The following EYS variants were observed in gnomAD, a reference collection of about 807,000 sequenced individuals.
The protein encoded by EYS is EGF-like photoreceptor maintenance factor.
A neutral mutation model predicts 282.1 loss-of-function variants in EYS; 250 were observed. That is an observed-to-expected ratio of 0.89 (90% CI 0.80 to 0.98). The LOEUF is 0.98. Among genes scored for constraint, EYS ranks in the 50% least tolerant of loss-of-function variants. The pLI is 0.00. For missense variants in EYS, 4,016 were observed against 3,709.0 expected (o/e 1.08, Z -2.15); for synonymous variants, 1,355 against 1,282.9 (o/e 1.06, Z -1.20).
intron 31 of EYS, among the ~76,000 whole-genome samples, chr6:64,089,186 T>G (rs2150250359): frequency 6.6e-6 from 1 of 151,902 alleles, no homozygotes; most frequent in African/African-American, 2.4e-5. Context: ...AATATTACAT[T>G]TTCCACTTAT....
Position 65,344,194 on chromosome 6 carries a change from A to T in EYS, c.1460-17T>A. 1 of 1,584,866 alleles carries T rather than the reference A, an allele frequency of 6.3e-7. No homozygotes were observed. Among genetic ancestry groups the T allele is most frequent in the Non-Finnish European group, 8.6e-7 (1 of 1,156,456 alleles). Reference sequence around the variant, plus strand: ...CTTCAGATCCTTTAAAAAAAAAGAGATAAAAAATTAAATAAACTCTTACAA... The same window carrying T: ...CTTCAGATCCTTTAAAAAAAAAGAGTTAAAAAATTAAATAAACTCTTACAA... On this transcript the variant is annotated splice_polypyrimidine_tract_variant and intron_variant, in intron 9 of 42. Coordinates refer to ENST00000503581, the MANE Select transcript of EYS (RefSeq NM_001142800.2).
At chr6:64,284,164 C>T (rs572021593) in intron 30 of EYS, among the ~76,000 whole-genome samples, 2 of 152,322 alleles carry the variant, frequency 1.3e-5, no homozygotes, top group East Asian at 3.9e-4. Context: ...TTCCCTTCCA[C>T]TTATGAGCCT....
At chr6:64,640,784 G>C (rs1285516340) in intron 22 of EYS, among the ~76,000 whole-genome samples, 1 of 152,136 alleles carries the variant, frequency 6.6e-6, no homozygotes. Context: ...TAAGCTTCAT[G>C]ATGAAAACAA....
rs548209842 is a variant in EYS, at chr6:63,849,380, G to A, written c.7228+14806C>T. ...CCTCAAATGGGTCCCTGAACCTCGT[G>A]GGTCCTGACTGGGAGATACCTCCCA... is the stretch of plus-strand genomic sequence containing the variant. On this transcript the variant is annotated intron_variant, in intron 36 of 42. Coordinates refer to ENST00000503581, the MANE Select transcript of EYS (RefSeq NM_001142800.2). Among the ~76,000 whole-genome samples, 5 of 152,286 alleles carry A rather than the reference G, an allele frequency of 3.3e-5. No homozygotes were observed. In the South Asian group the frequency reaches 6.2e-4, roughly 19 times the overall value.
chr6:63,754,703 A>G (rs1442321130), intron 41 of EYS, among the ~76,000 whole-genome samples: 1 of 152,202 alleles, frequency 6.6e-6, no homozygotes, highest in Non-Finnish European at 1.5e-5. Context: ...TTGGGTATAT[A>G]CCCAGAAATG....
At chr6:64,118,990 T>G (rs1220977495) in intron 31 of EYS, among the ~76,000 whole-genome samples, 1 of 152,070 alleles carries the variant, frequency 6.6e-6, no homozygotes, top group Non-Finnish European at 1.5e-5. Flanking sequence ...AAAATCACAA[T>G]GAGATATCAT....
At chr6:65,566,259 C>T (rs1396809280) in intron 2 of EYS, among the ~76,000 whole-genome samples, 1 of 151,894 alleles carries the variant, frequency 6.6e-6, no homozygotes, top group Non-Finnish European at 1.5e-5. Flanking sequence ...GGAAAATTTC[C>T]CCAAGAGAGC....
chr6:64,855,062 T>G (rs892746057), intron 19 of EYS, among the ~76,000 whole-genome samples: 36 of 152,198 alleles, frequency 2.4e-4, no homozygotes, highest in African/African-American at 8.2e-4. Flanking sequence ...TATTATAATG[T>G]TTTCATATTC....
intron 41 of EYS, among the ~76,000 whole-genome samples, chr6:63,748,873 CTCTTT>C (rs1248288730): frequency 1.3e-5 from 2 of 151,808 alleles, no homozygotes; most frequent in African/African-American, 2.4e-5. Flanking sequence ...TGGATCTTCT[CTCTTT>C]TCTTCTTTAT....
chr6:65,230,726 C>CT, intron 12 of EYS, among the ~76,000 whole-genome samples: 1 of 151,566 alleles, frequency 6.6e-6, no homozygotes, highest in East Asian at 1.9e-4. Context: ...TGAGTCATAT[C>CT]TTTTTTCAGA....
chr6:64,451,811 C>G (rs150475362), intron 26 of EYS, among the ~76,000 whole-genome samples: 41,985 of 151,878 alleles, frequency 0.28, 5,886 homozygotes, highest in East Asian at 0.46. Flanking sequence ...ATTGAACAAC[C>G]TTCATGCTAA....
At chr6:65,148,556 T>C (rs1764534442) in intron 12 of EYS, among the ~76,000 whole-genome samples, 1 of 152,076 alleles carries the variant, frequency 6.6e-6, no homozygotes, top group Non-Finnish European at 1.5e-5. Flanking sequence ...ATTTAGTGTC[T>C]GCAGTTTTTC....
At position 65,354,367 on chromosome 6, in the gene EYS, A is replaced by C. The variant is rs78164650; in HGVS notation, c.1300-750T>G. Among the ~76,000 whole-genome samples the C allele has an allele frequency of 4.8e-4, 73 of 152,250 alleles. 2 individuals are homozygous for C. In the East Asian group the frequency reaches 0.013, roughly 28 times the overall value. ...TGGCAGAGAAAAACACAGCTGAGAC[A>C]TGCAGTACAAGGAATCTGACAGTTC... On this transcript the variant is annotated intron_variant, in intron 8 of 42. Transcript: ENST00000503581.
chr6:64,958,518 C>T (rs1257242594), intron 14 of EYS, among the ~76,000 whole-genome samples: 2 of 151,868 alleles, frequency 1.3e-5, no homozygotes, highest in South Asian at 2.1e-4. Context: ...GAGGCCGAGG[C>T]GGGTGGATCA....
chr6:65,255,365 CAA>C (rs1767432513), intron 12 of EYS, among the ~76,000 whole-genome samples: 2 of 151,750 alleles, frequency 1.3e-5, no homozygotes, highest in South Asian at 4.1e-4. Flanking sequence ...TCACCATAAT[CAA>C]AAAGTAAATA....
intron 5 of EYS, among the ~76,000 whole-genome samples, chr6:65,408,519 T>C (rs1167556336): frequency 6.6e-6 from 1 of 152,150 alleles, no homozygotes; most frequent in Non-Finnish European, 1.5e-5. Context: ...CCTAATGTTG[T>C]TCATAATATC....
At chr6:65,169,934 A>C (rs1349491607) in intron 12 of EYS, among the ~76,000 whole-genome samples, 1 of 151,568 alleles carries the variant, frequency 6.6e-6, no homozygotes, top group Non-Finnish European at 1.5e-5. Flanking sequence ...AAAAATTTTA[A>C]TGTGTATTGC....
intron 22 of EYS, among the ~76,000 whole-genome samples, chr6:64,776,534 T>G (rs1773681344): frequency 1.3e-5 from 2 of 152,064 alleles, no homozygotes; most frequent in Admixed American, 6.6e-5. Context: ...AAGGAAAAAT[T>G]CTATTCCCTT....
intron 33 of EYS, among the ~76,000 whole-genome samples, chr6:64,019,660 C>G (rs1366707160): frequency 2.6e-5 from 4 of 151,576 alleles, no homozygotes; most frequent in Non-Finnish European, 5.9e-5. Context: ...CTGCCCGCCT[C>G]GGCCTCTCAA....
Sources: allele counts gnomAD v4.1 joint callset (sites outside exome capture counted in the v4.1 genomes callset), GRCh38; gene constraint gnomAD v4.1.1; transcripts MANE v1.5; gene names NCBI Gene and HGNC (gene_info 2026-07-23, HGNC 2026-07-21).